The following ASXL1 variants were observed in gnomAD, a reference collection of about 807,000 sequenced individuals.
The protein encoded by ASXL1 is ASXL transcriptional regulator 1.
A neutral mutation model predicts 89.1 loss-of-function variants in ASXL1; 65 were observed. That is an observed-to-expected ratio of 0.73 (90% CI 0.60 to 0.90). The LOEUF is 0.90. Ranked by LOEUF, ASXL1 falls within the 40% of genes least tolerant of loss-of-function variation. The probability of loss-of-function intolerance (pLI) is 0.00; values close to 1 mark genes in which losing one functional copy is unlikely to be tolerated. For synonymous variants in ASXL1, 739 were observed against 746.9 expected (o/e 0.99, Z 0.17); for missense variants, 1,786 against 1,942.9 (o/e 0.92, Z 1.52).
Position 32,433,494 on chromosome 20 carries a change from A to G in ASXL1, c.1296A>G (p.Gln432=). ...RNLYKKQESE[Q]AGVAKDAKSV... is the part of the protein sequence containing the mutation. ...TGTACAAAAAACAGGAGTCAGAACA[A>G]GCAGGGGTTGCTAAGGATGCAAAAT... The change falls in exon 12 of 13, where the codon CAA becomes CAG. Residue 432 remains glutamine, a synonymous_variant. Coordinates refer to ENST00000375687, the MANE Select transcript of ASXL1 (RefSeq NM_015338.6). 6.2e-7 allele frequency: 1 copy of G among 1,614,214 alleles called. No individual in the cohort carries two copies. The highest frequency in any genetic ancestry group is 8.5e-7 in the Non-Finnish European group (1 of 1,180,036).
intron 4 of ASXL1, among the ~76,000 whole-genome samples, chr20:32,380,330 A>G (rs1324559600): frequency 6.6e-6 from 1 of 152,216 alleles, no homozygotes; most frequent in Non-Finnish European, 1.5e-5. Flanking sequence ...TCTTCCATTT[A>G]AATCCATAGT....
intron 4 of ASXL1, among the ~76,000 whole-genome samples, chr20:32,415,315 A>C (rs926145278): frequency 1.3e-5 from 2 of 152,026 alleles, no homozygotes; most frequent in Non-Finnish European, 2.9e-5. Context: ...AGCCTGCGTC[A>C]TGATTTTCTA....
At position 32,426,317 on chromosome 20, in the gene ASXL1, A is replaced by G. The variant is rs1600569713; in HGVS notation, c.253-1811A>G. Among the ~76,000 whole-genome samples, 9 of 152,212 alleles carry G rather than the reference A, an allele frequency of 5.9e-5. No individual in the cohort carries two copies. In the South Asian group the frequency reaches 1.9e-3, roughly 32 times the overall value. On this transcript the variant is annotated intron_variant, in intron 4 of 12. Coordinates refer to ENST00000375687, the MANE Select transcript of ASXL1 (RefSeq NM_015338.6). ...TGTATGATTTTCTCATACTCTTGTC[A>G]GAACTGGAGATTTGGGGTAACTTTG...
At chr20:32,384,182 A>G (rs1485228239) in intron 4 of ASXL1, among the ~76,000 whole-genome samples, 1 of 146,254 alleles carries the variant, frequency 6.8e-6, no homozygotes, top group Non-Finnish European at 1.5e-5. Flanking sequence ...GCTTTGGTCA[A>G]TTGTAGCAGC....
At chr20:32,365,380 T>C (rs2048187925) in intron 1 of ASXL1, among the ~76,000 whole-genome samples, 1 of 152,148 alleles carries the variant, frequency 6.6e-6, no homozygotes, top group African/African-American at 2.4e-5. Context: ...GGTCTTATGT[T>C]CTTCCATAGA....
chr20:32,435,779 G>T lies in ASXL1; in HGVS notation c.3067G>T (p.Val1023Leu). ...SSEADTREAAVTKGSSVDKDE... is the reference protein window; with the variant it reads ...SSEADTREAALTKGSSVDKDE... ...TGAGGCTGACACTAGAGAAGCTGCA[G>T]TGACAAAGGGATCTTCGGTGGACAA... The change falls in exon 13 of 13, where the codon GTG becomes TTG. Residue 1023 changes from valine to leucine, a missense_variant. Physicochemically the swap from Val to Leu is conservative, Grantham distance 32. Around this residue, in one of 3 missense-constraint regions of ASXL1, gnomAD observed 1,418 missense variants for 1,427.8 expected, o/e 0.99. Coordinates refer to ENST00000375687, the MANE Select transcript of ASXL1 (RefSeq NM_015338.6). 1 of 1,614,250 alleles carries T rather than the reference G, an allele frequency of 6.2e-7. No homozygotes were observed. Among genetic ancestry groups the T allele is most frequent in the Non-Finnish European group, 8.5e-7 (1 of 1,180,050 alleles).
At chr20:32,423,415 A>G (rs528481816) in intron 4 of ASXL1, among the ~76,000 whole-genome samples, 30 of 127,968 alleles carry the variant, frequency 2.3e-4, no homozygotes, top group South Asian at 5.7e-4. Flanking sequence ...GTGTGTGTGT[A>G]TATTTAGTAG....
rs139467901 is a variant in ASXL1 at position 32,362,119 on chromosome 20, A to G, written c.57+3287A>G. On this transcript the variant is annotated intron_variant, in intron 1 of 12. Transcript: ENST00000375687. ...CTTAATGTTTAAAAAAAGTTGCTGTAACACTGTACTGGAGAATTTGTGAGA... is the reference window on the plus strand; with the variant it reads ...CTTAATGTTTAAAAAAAGTTGCTGTGACACTGTACTGGAGAATTTGTGAGA... 1.6e-4 allele frequency among the ~76,000 whole-genome samples: 25 copies of G among 152,348 alleles called. No individual in the cohort carries two copies. The East Asian group carries it at 3.9e-3, about 23-fold the overall frequency.
intron 10 of ASXL1, 26 bp from the exon 11 acceptor site, chr20:32,432,854 A>G (rs1453369085): frequency 2.5e-6 from 4 of 1,612,694 alleles, no homozygotes; most frequent in Non-Finnish European, 3.4e-6. Context: ...GAATGCACTT[A>G]CTAGAAGAGG....
chr20:32,368,648 G>A (rs1402094549), intron 3 of ASXL1, among the ~76,000 whole-genome samples: 1 of 151,988 alleles, frequency 6.6e-6, no homozygotes, highest in African/African-American at 2.4e-5. Flanking sequence ...AAATATAGAG[G>A]CTAGGAAACT....
intron 1 of ASXL1, among the ~76,000 whole-genome samples, chr20:32,364,468 T>G (rs2048173846): frequency 6.6e-6 from 1 of 152,040 alleles, no homozygotes; most frequent in African/African-American, 2.4e-5. Flanking sequence ...TCTGCCCACC[T>G]TGGCCTCCCA....
chr20:32,429,958 G>A lies in ASXL1; in HGVS notation c.623G>A (p.Gly208Asp), dbSNP rs778390869. 1.2e-6 allele frequency: 2 copies of A among 1,608,764 alleles called. No individual in the cohort carries two copies. Among genetic ancestry groups the A allele is most frequent in the Non-Finnish European group, 8.5e-7 (1 of 1,179,622 alleles). The change falls in exon 8 of 13, where the codon GGC becomes GAC. Residue 208 changes from glycine (G) to aspartate (D), a missense_variant. By Grantham distance (94) the Gly-to-Asp change is moderately conservative. Coordinates refer to ENST00000375687, the MANE Select transcript of ASXL1 (RefSeq NM_015338.6). The surrounding 1 kb of genome is among the most constrained non-coding windows in gnomAD (Gnocchi z 4.9). ...GGCAGCCCGTCCAGCAGCAGCAGCGGCTCTCTGGCCCTGGGCAGCGCTGCT... is the reference window on the plus strand; with the variant it reads ...GGCAGCCCGTCCAGCAGCAGCAGCGACTCTCTGGCCCTGGGCAGCGCTGCT... ...ESGSPSSSSS[G>D]SLALGSAAIR... is the part of the protein sequence containing the mutation.
intron 8 of ASXL1, chr20:32,430,715 C>T (rs564457090): frequency 4.2e-6 from 1 of 239,506 alleles, no homozygotes; most frequent in African/African-American, 2.2e-5. Context: ...CATGTGAGAA[C>T]TAGGTTTGCT....
At chr20:32,386,164 C>T (rs1194657764) in intron 4 of ASXL1, among the ~76,000 whole-genome samples, 1 of 152,102 alleles carries the variant, frequency 6.6e-6, no homozygotes, top group Non-Finnish European at 1.5e-5. Flanking sequence ...GTTTATATCC[C>T]TAGGAGCTCT....
intron 4 of ASXL1, among the ~76,000 whole-genome samples, chr20:32,379,356 TTTATTTA>T (rs901848713): frequency 4.2e-5 from 5 of 120,060 alleles, no homozygotes; most frequent in South Asian, 5.9e-4. Flanking sequence ...AACTAATTTA[TTTATTTA>T]TTATTATTAT....
intron 4 of ASXL1, among the ~76,000 whole-genome samples, chr20:32,390,998 C>T (rs1283725540): frequency 6.6e-6 from 1 of 152,038 alleles, no homozygotes; most frequent in Non-Finnish European, 1.5e-5. Flanking sequence ...AGCAATCCTC[C>T]CACTTCAGCC....
chr20:32,359,298 C>A (rs922968435), intron 1 of ASXL1: 3 of 702,394 alleles, frequency 4.3e-6, no homozygotes, highest in Non-Finnish European at 7.8e-6. Flanking sequence ...CATTCAAGGA[C>A]GCCAATGGCA....
Position 32,434,624 on chromosome 20 carries a change from ACCACTGCCATCGGAGGGGGGGGT to A in ASXL1, c.1913_1935del (p.Thr638ArgfsTer12). 1 of 1,609,610 alleles carries A rather than the reference ACCACTGCCATCGGAGGGGGGGGT, an allele frequency of 6.2e-7. No individual in the cohort carries two copies. Among genetic ancestry groups the A allele is most frequent in the Non-Finnish European group, 8.5e-7 (1 of 1,177,950 alleles). On this transcript the variant is annotated frameshift_variant, in exon 13 of 13. Transcript: ENST00000375687. LOFTEE classifies it low-confidence loss of function (END_TRUNC). ...TCACCACTGCCATAGAGAGGCGGCC[ACCACTGCCATCGGAGGGGGGGGT>A]GGCCCGGGTGGAGGTGGCGGCGGGG... is the stretch of plus-strand genomic sequence containing the variant.
At position 32,366,453 on chromosome 20, in the gene ASXL1, C is replaced by T; in HGVS notation, c.127C>T (p.Leu43=). The T allele has an allele frequency of 6.2e-7, 1 of 1,613,884 alleles. No individual in the cohort carries two copies. ...TCTGCAGGTCATAGAGGCAGAAGGA[C>T]TAAAGGAAATGAGGTTTGTATTGTT... ...QILQVIEAEG[L]KEMRSGTSPL... Residue 43 remains leucine, a synonymous_variant, in exon 2 of 13, where the codon CTA becomes TTA. Transcript: ENST00000375687.
Sources: gnomAD v4.1 joint callset for allele counts (sites outside exome capture counted in the v4.1 genomes callset) on GRCh38, gnomAD v4.1.1 for gene constraint, gnomAD v4.1.1 regional missense constraint, Gnocchi (gnomAD v3.1) non-coding constraint, MANE v1.5 for transcripts, NCBI Gene and HGNC (gene_info 2026-07-23, HGNC 2026-07-21) for gene names.